Variants in LRP1B observed in about 807,000 individuals in gnomAD.
LRP1B encodes the protein low-density lipoprotein receptor-related protein 1B.
A neutral mutation model predicts 556.6 loss-of-function variants in LRP1B; 217 were observed. The observed-to-expected ratio is 0.39, with a 90% confidence interval of 0.35 to 0.44. LRP1B has a LOEUF of 0.44. Among genes scored for constraint, LRP1B ranks in the 20% least tolerant of loss-of-function variants. The probability of loss-of-function intolerance (pLI) is 1.00; values close to 1 mark genes in which losing one functional copy is unlikely to be tolerated. For synonymous variants in LRP1B, 2,047 were observed against 1,865.8 expected (o/e 1.10, Z -2.50); for missense variants, 5,053 against 5,620.8 (o/e 0.90, Z 3.23).
chr2:141,041,810 T>G (rs1698709336), intron 11 of LRP1B, among the ~76,000 whole-genome samples: 1 of 51,154 alleles, frequency 2.0e-5, no homozygotes, highest in Non-Finnish European at 4.2e-5. Flanking sequence ...GATCATTACA[T>G]GTTATATCAT....
chr2:140,725,661 G>A (rs923411567), intron 35 of LRP1B, among the ~76,000 whole-genome samples: 3 of 151,170 alleles, frequency 2.0e-5, no homozygotes, highest in Non-Finnish European at 4.4e-5. Context: ...TTGTGCACAT[G>A]TACCCTAGAA....
chr2:141,517,630 AT>A (rs1455997118), intron 2 of LRP1B, among the ~76,000 whole-genome samples: 3 of 152,236 alleles, frequency 2.0e-5, no homozygotes, highest in Admixed American at 6.5e-5. Flanking sequence ...AAATAAAAAA[AT>A]AAATAACATT....
chr2:140,715,986 G>A lies in LRP1B; in HGVS notation c.6010C>T (p.His2004Tyr), dbSNP rs150671804. 1.6e-5 allele frequency: 25 copies of A among 1,594,804 alleles called. No individual in the cohort carries two copies. In the African/African-American group the frequency reaches 2.8e-4, roughly 18 times the overall value. ...TCTTAAAATTACCCTTTCTCTGGGT[G>A]CACAGCTATAGATCTTGGTTGATCC... is the stretch of plus-strand genomic sequence containing the variant. ...GLDQPRSIAV[H>Y]PEKGLLFWTE... The change falls in exon 37 of 91, where the codon CAC (histidine) becomes TAC (tyrosine). Residue 2004 changes from histidine (H) to tyrosine (Y), a missense_variant. Transcript: ENST00000389484.
At chr2:141,125,853 A>AC (rs1553463690) in intron 7 of LRP1B, among the ~76,000 whole-genome samples, 2 of 147,648 alleles carry the variant, frequency 1.4e-5, no homozygotes, top group African/African-American at 5.2e-5. Context: ...GCAAAAAAAA[A>AC]AAAAAAAACA....
intron 86 of LRP1B, among the ~76,000 whole-genome samples, chr2:140,259,549 G>C (rs1681840489): frequency 6.6e-6 from 1 of 151,920 alleles, no homozygotes; most frequent in Non-Finnish European, 1.5e-5. Flanking sequence ...AGGAAGATGT[G>C]CTGTTATAAT....
At chr2:141,683,163 G>T (rs1691165472) in intron 2 of LRP1B, among the ~76,000 whole-genome samples, 1 of 152,122 alleles carries the variant, frequency 6.6e-6, no homozygotes, top group Non-Finnish European at 1.5e-5. Flanking sequence ...GAAGTGGGGT[G>T]CTGCTGTCAC....
rs1687919640 is a variant in LRP1B at position 140,475,187 on chromosome 2, A to G, written c.9576T>C (p.Asp3192=). The G allele has an allele frequency of 6.2e-7, 1 of 1,606,786 alleles. No homozygotes were observed. Among genetic ancestry groups the G allele is most frequent in the Non-Finnish European group, 8.5e-7 (1 of 1,176,324 alleles). ...DYVNRRLYWA[D]ENHIEFSNMD... is the part of the protein sequence containing the mutation. ...TGTTGCTAAATTCAATGTGATTTTCATCGGCCCAGTAGAGTCTACGATTAA... is the reference window on the plus strand; with the variant it reads ...TGTTGCTAAATTCAATGTGATTTTCGTCGGCCCAGTAGAGTCTACGATTAA... Residue 3192 remains aspartate (D), a synonymous_variant, in exon 60 of 91, where the codon GAT becomes GAC. Transcript: ENST00000389484.
chr2:141,171,225 T>C (rs962691833), intron 7 of LRP1B, among the ~76,000 whole-genome samples: 1 of 152,110 alleles, frequency 6.6e-6, no homozygotes, highest in Non-Finnish European at 1.5e-5. Flanking sequence ...CTTCACTCTT[T>C]GTGTTGTATA....
At chr2:141,288,635 A>G (rs1231791795) in intron 3 of LRP1B, among the ~76,000 whole-genome samples, 1 of 152,192 alleles carries the variant, frequency 6.6e-6, no homozygotes, top group African/African-American at 2.4e-5. Context: ...GATTATCTTA[A>G]ATGATCTAAA....
chr2:140,976,111 G>A (rs541764153), intron 18 of LRP1B, among the ~76,000 whole-genome samples: 53 of 151,912 alleles, frequency 3.5e-4, no homozygotes, highest in African/African-American at 1.1e-3. Context: ...GTAGAGATGG[G>A]ATCTGGCCAT....
At chr2:140,488,947 T>G (rs1174923136) in intron 57 of LRP1B, among the ~76,000 whole-genome samples, 1 of 151,934 alleles carries the variant, frequency 6.6e-6, no homozygotes, top group Non-Finnish European at 1.5e-5. Context: ...CTGAGTTTAG[T>G]TTCAACATCT....
chr2:140,423,599 A>AT (rs1488363867), intron 66 of LRP1B, among the ~76,000 whole-genome samples: 2 of 152,140 alleles, frequency 1.3e-5, no homozygotes, highest in Admixed American at 1.3e-4. Context: ...CTACTAATAG[A>AT]TCCCCAGTAT....
At chr2:141,404,486 G>A (rs971814878) in intron 3 of LRP1B, among the ~76,000 whole-genome samples, 8 of 152,110 alleles carry the variant, frequency 5.3e-5, no homozygotes, top group Non-Finnish European at 1.0e-4. Flanking sequence ...ATATGCATTT[G>A]TTATGCTTTT....
At chr2:141,520,235 C>G (rs925690676) in intron 2 of LRP1B, among the ~76,000 whole-genome samples, 1 of 152,046 alleles carries the variant, frequency 6.6e-6, no homozygotes, top group Non-Finnish European at 1.5e-5. Context: ...AAGGGCAATA[C>G]CAGTGATTTC....
chr2:141,620,230 T>C (rs1239530053), intron 2 of LRP1B, among the ~76,000 whole-genome samples: 1 of 152,248 alleles, frequency 6.6e-6, no homozygotes, highest in East Asian at 1.9e-4. Flanking sequence ...TGAGTCACCA[T>C]GCCCAGCCAT....
chr2:141,193,503 T>C (rs1681609834), intron 6 of LRP1B, among the ~76,000 whole-genome samples: 1 of 151,910 alleles, frequency 6.6e-6, no homozygotes, highest in Non-Finnish European at 1.5e-5. Flanking sequence ...TCAAAATACT[T>C]CATGTTCTCA....
intron 59 of LRP1B, among the ~76,000 whole-genome samples, chr2:140,477,635 G>A (rs920988018): frequency 3.9e-5 from 6 of 151,976 alleles, no homozygotes; most frequent in African/African-American, 1.2e-4. Context: ...ATTTCAAGTG[G>A]TCTAACTTCC....
chr2:140,952,541 A>G (rs1695749567), intron 18 of LRP1B, among the ~76,000 whole-genome samples: 1 of 151,166 alleles, frequency 6.6e-6, no homozygotes, highest in African/African-American at 2.5e-5. Flanking sequence ...AAAAAACCGA[A>G]AAAAAAATAG....
At chr2:141,456,654 A>G (rs1355063903) in intron 3 of LRP1B, among the ~76,000 whole-genome samples, 1 of 152,220 alleles carries the variant, frequency 6.6e-6, no homozygotes, top group African/African-American at 2.4e-5. Context: ...AAAATATTAA[A>G]AAGTCAACTT....
Sources: gnomAD v4.1 joint callset for allele counts (sites outside exome capture counted in the v4.1 genomes callset) on GRCh38, gnomAD v4.1.1 for gene constraint, MANE v1.5 for transcripts, NCBI Gene and HGNC (gene_info 2026-07-23, HGNC 2026-07-21) for gene names.